The following WDFY3 variants were observed in gnomAD, a reference collection of about 807,000 sequenced individuals.
WDFY3 encodes the protein WD repeat and FYVE domain containing 3.
WDFY3 carries 66 observed loss-of-function variants against 409.6 expected under a neutral mutation model. The ratio of observed to expected loss-of-function variants is 0.16; its 90% CI spans 0.13 to 0.20. The LOEUF (loss-of-function observed/expected upper bound fraction) is 0.20, where lower values mean the gene tolerates loss of function less well. Among genes scored for constraint, WDFY3 ranks in the 10% least tolerant of loss-of-function variants. The pLI, the probability that WDFY3 is intolerant of heterozygous loss-of-function variation, is 1.00. For synonymous variants in WDFY3, 1,521 were observed against 1,537.1 expected, an observed-to-expected ratio of 0.99 and a Z score of 0.25; for missense variants, 3,031 against 4,298.1, an observed-to-expected ratio of 0.71 and a Z score of 8.24.
chr4:84,735,156 T>C (rs758476675), intron 42 of WDFY3, 36 bp from the exon 43 acceptor site: 5 of 1,565,136 alleles, frequency 3.2e-6, no homozygotes, highest in African/African-American at 1.4e-5. Flanking sequence ...TAATATTTCA[T>C]GGATTTCTGG....
rs758363890 is a variant in WDFY3 at position 84,836,948 on chromosome 4, A to T, written c.557T>A (p.Leu186His). 6.3e-7 allele frequency: 1 copy of T among 1,582,262 alleles called. No individual in the cohort carries two copies. The change falls in exon 7 of 68, where the codon CTC becomes CAC. Residue 186 changes from leucine to histidine, a missense_variant. By Grantham distance (99) the Leu-to-His change is moderately conservative. Transcript: ENST00000295888. ...ELPLAERRGL[L>H]QKVFVQILVK... ...TCATACCTGTACAAAAACTTTCTGG[A>T]GTAGTCCTCGACGTTCTGCTAGAGG...
At position 84,841,609 on chromosome 4, in the gene WDFY3, C is replaced by A. The variant is rs202105943; in HGVS notation, c.305-346G>T. Among the ~76,000 whole-genome samples, 27 of 152,174 alleles carry A rather than the reference C, an allele frequency of 1.8e-4. No homozygotes were observed. In the East Asian group the frequency reaches 4.3e-3, roughly 24 times the overall value. The stretch of plus-strand genomic sequence containing the variant: ...TAAGGGTGCAGAGAAAATAAGAGCA[C>A]AGCAATAAAACAAGAGTGGCTAGAG... On this transcript the variant is annotated intron_variant, in intron 5 of 67. Transcript: ENST00000295888.
intron 1 of WDFY3, among the ~76,000 whole-genome samples, chr4:84,934,521 C>T (rs899279110): frequency 5.9e-5 from 9 of 152,090 alleles, no homozygotes; most frequent in African/African-American, 2.2e-4. Flanking sequence ...CTTAATGAGA[C>T]AGAAAGCTTT....
chr4:84,905,244 G>T (rs1276623175), intron 2 of WDFY3, among the ~76,000 whole-genome samples: 2 of 152,250 alleles, frequency 1.3e-5, no homozygotes, highest in African/African-American at 4.8e-5. Context: ...GCCGAGGCAA[G>T]AGAATAGCTT....
chr4:84,808,441 G>A (rs1751900683), intron 14 of WDFY3, 24 bp from the exon 15 acceptor site: 2 of 1,608,546 alleles, frequency 1.2e-6, no homozygotes, highest in Non-Finnish European at 1.7e-6. Context: ...AACAGACAGG[G>A]TGGTTTAGAG....
intron 2 of WDFY3, among the ~76,000 whole-genome samples, chr4:84,912,552 G>T (rs1767928763): frequency 1.3e-5 from 2 of 152,132 alleles, no homozygotes; most frequent in Admixed American, 1.3e-4. Flanking sequence ...ATCTAAAGCT[G>T]CAGAATTTAA....
chr4:84,752,692 A>C (rs1254773754), intron 35 of WDFY3, among the ~76,000 whole-genome samples: 2 of 152,158 alleles, frequency 1.3e-5, no homozygotes, highest in Non-Finnish European at 2.9e-5. Context: ...ACCATTTTAG[A>C]ATAAGTATTG....
At chr4:84,920,185 A>T (rs934334485) in intron 2 of WDFY3, among the ~76,000 whole-genome samples, 9 of 152,216 alleles carry the variant, frequency 5.9e-5, no homozygotes, top group African/African-American at 1.9e-4. Context: ...AAAGACATCA[A>T]ATATAAACGC....
chr4:84,690,406 C>G (rs111449488), intron 61 of WDFY3, 100 bp downstream of exon 61: 2 of 1,544,968 alleles, frequency 1.3e-6, no homozygotes, highest in African/African-American at 2.7e-5. Context: ...TCCATTAGAT[C>G]TGAAGTACCT....
intron 44 of WDFY3, among the ~76,000 whole-genome samples, chr4:84,728,403 GA>G (rs1560610434): frequency 6.6e-6 from 1 of 151,936 alleles, no homozygotes; most frequent in Non-Finnish European, 1.5e-5. Context: ...AGTGGTGCAT[GA>G]CTGTAATTCC....
chr4:84,736,146 T>C, intron 42 of WDFY3, 24 bp downstream of exon 42: 1 of 1,597,686 alleles, frequency 6.3e-7, no homozygotes, highest in Non-Finnish European at 8.5e-7. Context: ...ACAACTAATA[T>C]CAGCAATGAA....
At chr4:84,839,023 G>C (rs1756970790) in intron 6 of WDFY3, among the ~76,000 whole-genome samples, 1 of 152,026 alleles carries the variant, frequency 6.6e-6, no homozygotes, top group Non-Finnish European at 1.5e-5. Flanking sequence ...CACTGAATTT[G>C]CTTTTTAAAT....
chr4:84,760,863 G>C (rs1166328303), intron 32 of WDFY3, among the ~76,000 whole-genome samples: 1 of 144,144 alleles, frequency 6.9e-6, no homozygotes, highest in African/African-American at 2.6e-5. Flanking sequence ...GAATGTGTTT[G>C]CTCTTGCTTT....
chr4:84,826,868 G>A lies in WDFY3; in HGVS notation c.1070C>T (p.Thr357Ile). ...VSELKPAGIT[T>I]GAPFLLPGFA... is the part of the protein sequence containing the mutation. ...TCCAGGCAATAAAAAGGGTGCCCCT[G>A]TGGTAATACCAGCTGGTTTTAGTTC... The change falls in exon 10 of 68, where the codon ACA becomes ATA. Residue 357 changes from threonine to isoleucine, a missense_variant. Physicochemically the swap from Thr to Ile is moderately conservative, Grantham distance 89. Around this residue, in one of 16 missense-constraint regions of WDFY3, gnomAD observed 1,322 missense variants for 1,697.9 expected, o/e 0.78. Coordinates refer to ENST00000295888, the MANE Select transcript of WDFY3 (RefSeq NM_014991.6). 6.2e-7 allele frequency: 1 copy of A among 1,610,318 alleles called. No individual in the cohort carries two copies. Among genetic ancestry groups the A allele is most frequent in the Non-Finnish European group, 8.5e-7 (1 of 1,179,076 alleles).
intron 2 of WDFY3, among the ~76,000 whole-genome samples, chr4:84,925,565 A>G (rs757707204): frequency 2.0e-5 from 3 of 152,244 alleles, no homozygotes; most frequent in Non-Finnish European, 4.4e-5. Context: ...TAAACAGCAC[A>G]TAAGCAAATG....
intron 19 of WDFY3, 22 bp from the exon 20 acceptor site, chr4:84,795,001 A>G: frequency 6.7e-7 from 1 of 1,495,618 alleles, no homozygotes; most frequent in Non-Finnish European, 8.9e-7. Context: ...AAGACAACAT[A>G]CATATTAGAG....
intron 31 of WDFY3, 89 bp downstream of exon 31, chr4:84,766,156 ATCTATTT>A: frequency 6.7e-7 from 1 of 1,492,472 alleles, no homozygotes; most frequent in Non-Finnish European, 9.0e-7. Flanking sequence ...GGTTAAAAAA[ATCTATTT>A]AAAGTCAATG....
chr4:84,678,302 A>T (rs377009594), intron 65 of WDFY3, 23 bp from the exon 66 acceptor site: 5 of 1,570,822 alleles, frequency 3.2e-6, no homozygotes, highest in Non-Finnish European at 3.5e-6. Flanking sequence ...AGTGGAGGAC[A>T]CAACATAACT....
chr4:84,710,525 C>T (rs1388213408), intron 51 of WDFY3, among the ~76,000 whole-genome samples: 3 of 152,030 alleles, frequency 2.0e-5, no homozygotes. Context: ...ATTTGTAAAC[C>T]TTAGATCCTA....
Sources: allele counts gnomAD v4.1 joint callset (sites outside exome capture counted in the v4.1 genomes callset), GRCh38; gene constraint gnomAD v4.1.1; regional missense constraint gnomAD v4.1.1; transcripts MANE v1.5; gene names NCBI Gene and HGNC (gene_info 2026-07-23, HGNC 2026-07-21).